MMP26: variants seen among roughly 807,000 people sequenced by gnomAD.
MMP26 encodes the protein matrix metalloproteinase-26.
A neutral mutation model predicts 31.0 loss-of-function variants in MMP26; 33 were observed. The observed-to-expected ratio is 1.06, with a 90% CI of 0.81 to 1.42. MMP26 has a LOEUF of 1.42. Ranked by LOEUF, MMP26 falls within the 40% of genes most tolerant of loss-of-function variation. The probability of loss-of-function intolerance (pLI) is 0.00; values close to 1 mark genes in which losing one functional copy is unlikely to be tolerated. For missense variants in MMP26, 347 were observed against 316.1 expected, an observed-to-expected ratio of 1.10 and a Z score of -0.74; for synonymous variants, 122 against 114.9, an observed-to-expected ratio of 1.06 and a Z score of -0.40.
chr11:4,904,426 A>G (rs1397536217), intron 2 of MMP26, among the ~76,000 whole-genome samples: 1 of 152,134 alleles, frequency 6.6e-6, no homozygotes. Context: ...TTCTTTTGGC[A>G]TCTACTATAT....
intron 1 of MMP26, among the ~76,000 whole-genome samples, chr11:4,734,381 T>G (rs4910669): frequency 0.084 from 12,734 of 152,188 alleles, 689 homozygotes; most frequent in Non-Finnish European, 0.12. Flanking sequence ...TATTCTCTAT[T>G]TCATTAATTT....
At chr11:4,990,072 A>G (rs922397472) in intron 4 of MMP26, among the ~76,000 whole-genome samples, 3 of 152,220 alleles carry the variant, frequency 2.0e-5, no homozygotes, top group African/African-American at 7.2e-5. Flanking sequence ...TAGAGAGCAT[A>G]ACCACTATCC....
intron 2 of MMP26, among the ~76,000 whole-genome samples, chr11:4,784,784 G>T (rs1428601256): frequency 6.6e-6 from 1 of 152,102 alleles, no homozygotes; most frequent in Non-Finnish European, 1.5e-5. Context: ...GCTAACATAG[G>T]CACATAGCAT....
chr11:4,775,858 TAGTGGTGA>T (rs1281699710), intron 2 of MMP26, among the ~76,000 whole-genome samples: 1 of 152,146 alleles, frequency 6.6e-6, no homozygotes, highest in Non-Finnish European at 1.5e-5. Flanking sequence ...ATATATTGTA[TAGTGGTGA>T]AGTCTGGGTT....
At chr11:4,877,570 C>G (rs571322183) in intron 2 of MMP26, 1 of 152,160 alleles carries the variant, frequency 6.6e-6, no homozygotes, top group Non-Finnish European at 1.5e-5. Flanking sequence ...ACAGCACTAT[C>G]CAATAGAAAT....
chr11:4,859,116 A>T (rs555925257), intron 2 of MMP26, among the ~76,000 whole-genome samples: 1 of 152,262 alleles, frequency 6.6e-6, no homozygotes, highest in Admixed American at 6.5e-5. Context: ...AACCATAAAA[A>T]CCCTAGAATA....
At chr11:4,784,018 G>C (rs1848901454) in intron 2 of MMP26, among the ~76,000 whole-genome samples, 1 of 152,122 alleles carries the variant, frequency 6.6e-6, no homozygotes, top group South Asian at 2.1e-4. Context: ...CAAATTTAGT[G>C]GTTTAAAATA....
At chr11:4,971,883 T>G (rs1589821848) in intron 2 of MMP26, among the ~76,000 whole-genome samples, 1 of 152,240 alleles carries the variant, frequency 6.6e-6, no homozygotes, top group Middle Eastern at 3.4e-3. Context: ...CCAGGCTCTT[T>G]TTTTAACAGC....
At chr11:4,797,489 GCT>G (rs1157984908) in intron 2 of MMP26, among the ~76,000 whole-genome samples, 2 of 152,064 alleles carry the variant, frequency 1.3e-5, no homozygotes, top group Non-Finnish European at 2.9e-5. Context: ...CACTATGATT[GCT>G]CTGTTTCTGG....
At chr11:4,925,461 G>A (rs1851256702) in intron 2 of MMP26, among the ~76,000 whole-genome samples, 1 of 152,070 alleles carries the variant, frequency 6.6e-6, no homozygotes, top group Non-Finnish European at 1.5e-5. Flanking sequence ...TTTAGAGACC[G>A]AGTCCAGTTT....
chr11:4,708,895 T>C (rs1729018108), intron 1 of MMP26, among the ~76,000 whole-genome samples: 1 of 152,246 alleles, frequency 6.6e-6, no homozygotes, highest in South Asian at 2.1e-4. Flanking sequence ...CCTTTGAACA[T>C]AATCAACTTC....
chr11:4,764,161 G>C (rs1310700468), intron 1 of MMP26, among the ~76,000 whole-genome samples: 2 of 152,118 alleles, frequency 1.3e-5, no homozygotes, highest in Non-Finnish European at 2.9e-5. Flanking sequence ...TTATGTAACT[G>C]TTTTGTTATT....
At chr11:4,891,034 A>T (rs1433058786) in intron 2 of MMP26, among the ~76,000 whole-genome samples, 4 of 149,796 alleles carry the variant, frequency 2.7e-5, no homozygotes, top group Admixed American at 2.7e-4. Context: ...TAAAAGTAAA[A>T]GGACTGGGAA....
intron 1 of MMP26, among the ~76,000 whole-genome samples, chr11:4,750,451 T>C (rs1465309486): frequency 6.6e-6 from 1 of 152,026 alleles, no homozygotes; most frequent in Non-Finnish European, 1.5e-5. Flanking sequence ...AATTATTATA[T>C]ATTTTTAAAA....
intron 1 of MMP26, among the ~76,000 whole-genome samples, chr11:4,726,031 G>A (rs1010363216): frequency 2.0e-5 from 3 of 152,160 alleles, no homozygotes; most frequent in Admixed American, 6.5e-5. Flanking sequence ...GAAAGAAATA[G>A]AGCACATTCA....
rs187766939 is a variant in MMP26, at chr11:4,789,600, G to A, written c.-145+22259G>A. ...TCTGTCACCAGGCTGGATTGCAGTA[G>A]CATGATCTCGGCTCACTGCAACCTC... On this transcript the variant is annotated intron_variant, in intron 2 of 7. Transcript: ENST00000380390. Among the ~76,000 whole-genome samples the A allele has an allele frequency of 4.1e-5, 5 of 120,514 alleles. No homozygotes were observed. In the East Asian group the frequency reaches 1.4e-3, roughly 34 times the overall value. 79.1% of individuals were successfully genotyped at this position (120,514 alleles called of 152,430 possible).
chr11:4,958,836 G>A (rs115715898), intron 2 of MMP26, among the ~76,000 whole-genome samples: 2,005 of 152,180 alleles, frequency 0.013, 38 homozygotes, highest in African/African-American at 0.046. Flanking sequence ...CTTATCAGAG[G>A]GTTAGTAATA....
chr11:4,842,425 G>A (rs1849808866), intron 2 of MMP26, among the ~76,000 whole-genome samples: 1 of 152,212 alleles, frequency 6.6e-6, no homozygotes, highest in African/African-American at 2.4e-5. Context: ...AGGCAAGGCT[G>A]TGGAGGCCTC....
chr11:4,872,265 A>G (rs12806014), intron 2 of MMP26, among the ~76,000 whole-genome samples: 14,530 of 152,142 alleles, frequency 0.096, 892 homozygotes, highest in Middle Eastern at 0.19. Flanking sequence ...CTAAGATAAC[A>G]CACAAGGATA....
Sources: allele counts gnomAD v4.1 joint callset (sites outside exome capture counted in the v4.1 genomes callset), GRCh38; gene constraint gnomAD v4.1.1; transcripts MANE v1.5; gene names NCBI Gene and HGNC (gene_info 2026-07-23, HGNC 2026-07-21).